Variants in IRAK1BP1 observed in about 807,000 individuals in gnomAD.
IRAK1BP1 encodes interleukin 1 receptor associated kinase 1 binding protein 1, also known as interleukin-1 receptor-associated kinase 1-binding protein 1.
Under a neutral mutation model 28.0 loss-of-function variants are expected in IRAK1BP1, and 24 were observed. That is an observed-to-expected ratio of 0.86 (90% CI 0.62 to 1.20). The LOEUF is 1.20. Ranked by LOEUF, IRAK1BP1 falls within the 50% of genes most tolerant of loss-of-function variation. The pLI, the probability that IRAK1BP1 is intolerant of heterozygous loss-of-function variation, is 0.00. For synonymous variants in IRAK1BP1, 131 were observed against 116.3 expected (o/e 1.13, Z -0.81); for missense variants, 336 against 316.7 (o/e 1.06, Z -0.46).
chr6:78,907,489 AG>A (rs1200663084), downstream of IRAK1BP1, among the ~76,000 whole-genome samples: 3 of 152,154 alleles, frequency 2.0e-5, no homozygotes, highest in African/African-American at 7.2e-5. Context: ...CTGCAAGAAA[AG>A]CTTTCTTCAC....
At chr6:78,873,833 G>C (rs1363837769) in intron 1 of IRAK1BP1, among the ~76,000 whole-genome samples, 2 of 152,190 alleles carry the variant, frequency 1.3e-5, no homozygotes, top group Admixed American at 6.5e-5. Context: ...TATTAGATAT[G>C]TGTACTGTGC....
chr6:78,942,005 ACAGGAACTAC>A (rs1773526869), intron 4 of IRAK1BP1, among the ~76,000 whole-genome samples: 1 of 151,756 alleles, frequency 6.6e-6, no homozygotes. Flanking sequence ...AAAATATGCC[ACAGGAACTAC>A]CAGTAACTAA....
chr6:78,914,424 G>T (rs1772504356), intron 4 of IRAK1BP1, among the ~76,000 whole-genome samples: 1 of 152,142 alleles, frequency 6.6e-6, no homozygotes, highest in African/African-American at 2.4e-5. Context: ...TGCATACCAG[G>T]GTTATTGGTA....
At chr6:78,973,963 T>C in the IRAK1BP1 span, among the ~76,000 whole-genome samples, 2 of 152,010 alleles carry the variant, frequency 1.3e-5, no homozygotes. Context: ...ATTAGACAGA[T>C]CAACGAGACA....
At chr6:78,939,815 G>T (rs1267637416) in intron 4 of IRAK1BP1, 1 of 152,270 alleles carries the variant, frequency 6.6e-6, no homozygotes, top group Admixed American at 6.6e-5. Context: ...GGACCCACCA[G>T]TGCATTATTT....
chr6:78,948,126 C>T (rs1271653749), downstream of IRAK1BP1, among the ~76,000 whole-genome samples: 2 of 152,102 alleles, frequency 1.3e-5, no homozygotes, highest in Non-Finnish European at 2.9e-5. Flanking sequence ...AAACTTTATA[C>T]TACTTATAAA....
chr6:78,905,292 CAT>C (rs113007608), downstream of IRAK1BP1, among the ~76,000 whole-genome samples: 124 of 151,886 alleles, frequency 8.2e-4, 1 homozygote, highest in African/African-American at 3.0e-3. Context: ...ACTCTGGAAA[CAT>C]AACACTGCAA....
chr6:78,979,274 G>A, the IRAK1BP1 span, among the ~76,000 whole-genome samples: 1 of 151,946 alleles, frequency 6.6e-6, no homozygotes, highest in Non-Finnish European at 1.5e-5. Context: ...GAACTAACTA[G>A]AAGCAAAACC....
intron 1 of IRAK1BP1, among the ~76,000 whole-genome samples, chr6:78,877,914 G>C (rs1478462210): frequency 6.6e-6 from 1 of 151,662 alleles, no homozygotes; most frequent in Non-Finnish European, 1.5e-5. Flanking sequence ...GTCTGATATC[G>C]AACTGTAAGG....
chr6:78,896,988 C>T (rs572738565), intron 2 of IRAK1BP1, among the ~76,000 whole-genome samples: 49 of 151,954 alleles, frequency 3.2e-4, no homozygotes, highest in Admixed American at 1.6e-3. Context: ...GTTTAGGCTG[C>T]GTGTGGTGTC....
the IRAK1BP1 span, chr6:78,971,032 CAAGTT>C: frequency 6.6e-6 from 4 of 606,516 alleles, no homozygotes; most frequent in African/African-American, 7.6e-5. Flanking sequence ...TCCTTTCTCT[CAAGTT>C]GTCTTAACAT....
At chr6:78,968,886 T>C in the IRAK1BP1 span, among the ~76,000 whole-genome samples, 1 of 152,196 alleles carries the variant, frequency 6.6e-6, no homozygotes, top group Non-Finnish European at 1.5e-5. Flanking sequence ...GTTCCAATTT[T>C]TTCCCCCTGA....
At chr6:78,870,687 T>C (rs1770765029) in intron 1 of IRAK1BP1, among the ~76,000 whole-genome samples, 1 of 152,116 alleles carries the variant, frequency 6.6e-6, no homozygotes. Flanking sequence ...TAAGCCTTTC[T>C]TTTCATTGTT....
the IRAK1BP1 span, among the ~76,000 whole-genome samples, chr6:78,976,043 C>A: frequency 6.6e-6 from 1 of 151,874 alleles, no homozygotes; most frequent in Non-Finnish European, 1.5e-5. Context: ...TCATATGGAA[C>A]CAAAAAAGGG....
intron 4 of IRAK1BP1, among the ~76,000 whole-genome samples, chr6:78,924,122 A>T (rs1772821777): frequency 6.6e-6 from 1 of 152,208 alleles, no homozygotes; most frequent in African/African-American, 2.4e-5. Context: ...AAATCAATGA[A>T]TCCAGGAGTT....
the IRAK1BP1 span, chr6:78,970,257 C>T: frequency 8.2e-7 from 1 of 1,218,368 alleles, no homozygotes; most frequent in Non-Finnish European, 1.2e-6. Context: ...GAAAAAACTT[C>T]TTGGTTTAAA....
chr6:78,910,885 G>A (rs763505817), intron 4 of IRAK1BP1, among the ~76,000 whole-genome samples: 8 of 152,226 alleles, frequency 5.3e-5, no homozygotes, highest in Non-Finnish European at 1.0e-4. Context: ...AACAGCGGAG[G>A]GCGTTAGCAC....
chr6:78,929,144 G>T (rs142840566), intron 4 of IRAK1BP1, among the ~76,000 whole-genome samples: 9 of 152,160 alleles, frequency 5.9e-5, no homozygotes, highest in Non-Finnish European at 1.0e-4. Context: ...CAGGTGTCAG[G>T]CTTTTTTTTA....
rs773809914 is a variant in IRAK1BP1 at position 78,876,106 on chromosome 6, G to GA, written c.315+8216dup. On this transcript the variant is annotated intron_variant, in intron 1 of 3. Coordinates refer to ENST00000369940, the MANE Select transcript of IRAK1BP1 (RefSeq NM_001010844.4). ...TGTAATCCCTATGTGTCAAGGGGGGGATCTGATGGGAGGTAATTGAACTAT... is the reference window on the plus strand; with the variant it reads ...TGTAATCCCTATGTGTCAAGGGGGGGAATCTGATGGGAGGTAATTGAACTAT... Among the ~76,000 whole-genome samples, 105 of 152,244 alleles carry GA rather than the reference G, an allele frequency of 6.9e-4. 1 individual carries two copies. The highest frequency in any genetic ancestry group is 5.8e-4 in the East Asian group (3 of 5,182).
Sources: gnomAD v4.1 joint callset for allele counts (sites outside exome capture counted in the v4.1 genomes callset) on GRCh38, gnomAD v4.1.1 for gene constraint, MANE v1.5 for transcripts, NCBI Gene and HGNC (gene_info 2026-07-23, HGNC 2026-07-21) for gene names.